STRN: variants seen among roughly 807,000 people sequenced by gnomAD.
STRN encodes striatin, also known as protein phosphatase 2 regulatory subunit B'''alpha.
Under a neutral mutation model 96.3 loss-of-function variants are expected in STRN, and 53 were observed. The ratio of observed to expected loss-of-function variants is 0.55; its 90% confidence interval spans 0.44 to 0.69. The LOEUF (loss-of-function observed/expected upper bound fraction) is 0.69, where lower values mean the gene tolerates loss of function less well. Ranked by LOEUF, STRN falls within the 30% of genes least tolerant of loss-of-function variation. STRN has a pLI of 0.00. For synonymous variants in STRN, 428 were observed against 355.9 expected, an observed-to-expected ratio of 1.20 and a Z score of -2.28; for missense variants, 987 against 963.9, an observed-to-expected ratio of 1.02 and a Z score of -0.32.
At chr2:36,943,135 T>G (rs1016964080) in intron 1 of STRN, among the ~76,000 whole-genome samples, 2 of 152,148 alleles carry the variant, frequency 1.3e-5, no homozygotes, top group Admixed American at 1.3e-4. Flanking sequence ...CAGTAAACTA[T>G]ATTTTGACTG....
chr2:36,867,802 A>C lies in STRN; in HGVS notation c.1547+12T>G, dbSNP rs2540923. ...GATATCGGTTTAAAATAAAGAAAAA[A>C]CATATACTTACTTATGGGCTCTGAA... On this transcript the variant is annotated intron_variant, in intron 12 of 17. Coordinates refer to ENST00000263918, the MANE Select transcript of STRN (RefSeq NM_003162.4). 6.5e-7 allele frequency: 1 copy of C among 1,532,524 alleles called. No homozygotes were observed. 94.9% of individuals were successfully genotyped at this position (1,532,524 alleles called of 1,614,324 possible). A position where few individuals can be genotyped will look rare whatever the true frequency, so the allele number is the denominator to read the frequency against.
rs761466457 is a variant in STRN, at chr2:36,947,360, TCAAA to T, written c.234+18866_234+18869del. Among the ~76,000 whole-genome samples, 9 of 152,004 alleles carry T rather than the reference TCAAA, an allele frequency of 5.9e-5. No homozygotes were observed. The South Asian group carries it at 1.0e-3, about 18-fold the overall frequency. The stretch of plus-strand genomic sequence containing the variant: ...TAAATCGAAATGTCAAAATTTTTAT[TCAAA>T]CAGTCTGAAAACAAAAGACATCACA... On this transcript the variant is annotated intron_variant, in intron 1 of 17. Transcript: ENST00000263918.
chr2:36,912,459 G>C (rs934722128), intron 3 of STRN, among the ~76,000 whole-genome samples: 3 of 152,180 alleles, frequency 2.0e-5, no homozygotes, highest in African/African-American at 7.2e-5. Flanking sequence ...GAATTAACCA[G>C]TAGTGGTGAA....
At chr2:36,909,024 C>T (rs1382243150) in intron 3 of STRN, among the ~76,000 whole-genome samples, 7 of 150,974 alleles carry the variant, frequency 4.6e-5, no homozygotes, top group Admixed American at 2.0e-4. Context: ...GGCAAGGTGG[C>T]GCATGCGTGT....
intron 8 of STRN, among the ~76,000 whole-genome samples, chr2:36,886,273 G>C (rs1437935935): frequency 3.3e-5 from 5 of 152,118 alleles, no homozygotes; most frequent in Non-Finnish European, 5.9e-5. Context: ...TGAACACATA[G>C]AATATTCAGG....
chr2:36,948,450 T>C (rs925731806), intron 1 of STRN, among the ~76,000 whole-genome samples: 1 of 152,168 alleles, frequency 6.6e-6, no homozygotes, highest in Non-Finnish European at 1.5e-5. Context: ...TTTTTTTTAC[T>C]TGCATTATTA....
intron 2 of STRN, among the ~76,000 whole-genome samples, chr2:36,921,580 T>C (rs1211028586): frequency 6.6e-6 from 1 of 152,252 alleles, no homozygotes. Context: ...ATAATTCAGA[T>C]AGTCCTTCAA....
In STRN at chr2:36,935,186, C is replaced by T. The variant is rs373887730; in HGVS notation, c.235-9978G>A. Among the ~76,000 whole-genome samples the T allele has an allele frequency of 4.6e-5, 7 of 152,226 alleles. No individual in the cohort carries two copies. The South Asian group carries it at 8.3e-4, about 18-fold the overall frequency. On this transcript the variant is annotated intron_variant, in intron 1 of 17. Transcript: ENST00000263918. ...CCCAGCTCCATGCCTTGGCTTATGC[C>T]CTTCTCTCTCCTACCTCTCCAAATG...
intron 11 of STRN, among the ~76,000 whole-genome samples, chr2:36,868,651 C>T (rs2691109): frequency 0.86 from 131,192 of 152,198 alleles, 58,139 homozygotes; most frequent in Non-Finnish European, 0.96. Flanking sequence ...GTTTTAGCAA[C>T]ATCTGGTTGA....
At chr2:36,919,177 C>T (rs1220714293) in intron 2 of STRN, among the ~76,000 whole-genome samples, 1 of 152,114 alleles carries the variant, frequency 6.6e-6, no homozygotes, top group Non-Finnish European at 1.5e-5. Flanking sequence ...ACTGTGCTGG[C>T]TGCTGGGACA....
rs1668058167 is a variant in STRN, at chr2:36,845,907, GCATGCATGCACACA to G, written c.*3535_*3548del. On this transcript the variant is annotated 3_prime_UTR_variant, in exon 18 of 18. Coordinates refer to ENST00000263918, the MANE Select transcript of STRN (RefSeq NM_003162.4). ...TAAACACACACACACACACACACAC[GCATGCATGCACACA>G]CACACACACACACACACACACACAC... 6 of 27,920 alleles carry G rather than the reference GCATGCATGCACACA, an allele frequency of 2.1e-4. No individual in the cohort carries two copies. The highest frequency in any genetic ancestry group is 4.7e-4 in the Non-Finnish European group (6 of 12,646). The allele number at this position is 27,920 out of a possible 1,614,324, so 1.7% of individuals were successfully genotyped here.
intron 2 of STRN, among the ~76,000 whole-genome samples, chr2:36,924,900 T>A (rs1340774245): frequency 6.6e-6 from 1 of 151,950 alleles, no homozygotes; most frequent in African/African-American, 2.4e-5. Context: ...CTACTAAAAA[T>A]ACAAAATTAG....
intron 1 of STRN, among the ~76,000 whole-genome samples, chr2:36,955,868 T>G (rs1664874970): frequency 6.6e-6 from 1 of 152,222 alleles, no homozygotes; most frequent in South Asian, 2.1e-4. Context: ...GACCCAAGTC[T>G]AAACACAAAA....
chr2:36,872,941 G>A (rs140674223), intron 10 of STRN, among the ~76,000 whole-genome samples: 11 of 152,300 alleles, frequency 7.2e-5, no homozygotes, highest in African/African-American at 7.2e-5. Context: ...CCAATATTTC[G>A]GCTGTTTTCC....
At chr2:36,852,686 A>T (rs911728936) in intron 15 of STRN, among the ~76,000 whole-genome samples, 8 of 152,212 alleles carry the variant, frequency 5.3e-5, no homozygotes, top group African/African-American at 1.4e-4. Context: ...GAGTTTAAAA[A>T]ATTTTTTGAA....
chr2:36,860,239 T>G (rs1033881069), intron 13 of STRN, among the ~76,000 whole-genome samples: 1 of 152,018 alleles, frequency 6.6e-6, no homozygotes, highest in African/African-American at 2.4e-5. Context: ...CAAAAGAAAC[T>G]AAAATGAATA....
chr2:36,938,207 C>T (rs1670754535), intron 1 of STRN, among the ~76,000 whole-genome samples: 1 of 151,988 alleles, frequency 6.6e-6, no homozygotes, highest in Admixed American at 6.6e-5. Flanking sequence ...GGGTGGATCA[C>T]CTGAGGTCAG....
intron 1 of STRN, among the ~76,000 whole-genome samples, chr2:36,939,678 C>A (rs1175105744): frequency 1.3e-5 from 2 of 152,128 alleles, no homozygotes; most frequent in African/African-American, 2.4e-5. Context: ...CCACCATACC[C>A]AGCCAGCATC....
intron 1 of STRN, among the ~76,000 whole-genome samples, chr2:36,944,874 T>G (rs914798051): frequency 6.6e-6 from 1 of 152,166 alleles, no homozygotes. Context: ...ACTTTAAATT[T>G]ATCAGACTAG....
Sources: allele counts gnomAD v4.1 joint callset (sites outside exome capture counted in the v4.1 genomes callset), GRCh38; gene constraint gnomAD v4.1.1; transcripts MANE v1.5; gene names NCBI Gene and HGNC (gene_info 2026-07-23, HGNC 2026-07-21).